Variants in SYN3 observed in about 807,000 individuals in gnomAD.
SYN3 encodes synapsin III.
In SYN3, 35 loss-of-function variants were observed where a neutral mutation model predicts 65.8. The ratio of observed to expected loss-of-function variants is 0.53; its 90% CI spans 0.41 to 0.70. The LOEUF is 0.70. Among genes scored for constraint, SYN3 ranks in the 30% least tolerant of loss-of-function variants. SYN3 has a pLI of 0.00. For synonymous variants in SYN3, 270 were observed against 292.9 expected (o/e 0.92, Z 0.80); for missense variants, 680 against 749.0 (o/e 0.91, Z 1.08).
At chr22:32,742,487 G>A (rs1000594876) in intron 6 of SYN3, among the ~76,000 whole-genome samples, 1 of 152,104 alleles carries the variant, frequency 6.6e-6, no homozygotes, top group Non-Finnish European at 1.5e-5. Context: ...AAGAATGGTT[G>A]GGAGAGGATG....
At chr22:32,935,363 G>A (rs1484684824) in intron 3 of SYN3, among the ~76,000 whole-genome samples, 3 of 149,132 alleles carry the variant, frequency 2.0e-5, no homozygotes, top group Non-Finnish European at 3.0e-5. Flanking sequence ...CGCAAAAAAC[G>A]CTACTATCAG....
At chr22:32,562,964 T>C (rs2058608446) in intron 7 of SYN3, among the ~76,000 whole-genome samples, 1 of 152,212 alleles carries the variant, frequency 6.6e-6, no homozygotes. Flanking sequence ...CTGGGTGACC[T>C]TGGGCAAGTA....
At position 32,709,554 on chromosome 22, in the gene SYN3, C is replaced by T. The variant is rs77187389; in HGVS notation, c.712-112818G>A. On this transcript the variant is annotated intron_variant, in intron 6 of 13. Coordinates refer to ENST00000358763, the MANE Select transcript of SYN3 (RefSeq NM_003490.4). ...GTTTGTTGAACCAGGGTTTTTTTTACGCCCCTTTAAAAGATAGAAAAAATT... is the reference window on the plus strand; with the variant it reads ...GTTTGTTGAACCAGGGTTTTTTTTATGCCCCTTTAAAAGATAGAAAAAATT... Among the ~76,000 whole-genome samples the T allele has an allele frequency of 1.0e-2, 1,518 of 152,098 alleles. 25 individuals carry two copies. The highest frequency in any genetic ancestry group is 0.035 in the African/African-American group (1,440 of 41,498).
chr22:32,679,838 G>GGTTTTTTTTTTTTTGTTTTTTT (rs2060497017), intron 6 of SYN3, among the ~76,000 whole-genome samples: 1 of 6,564 alleles, frequency 1.5e-4, no homozygotes. Context: ...TTGTTTTTTG[G>GGTTTTTTTTTTTTTGTTTTTTT]CTTTTTTTTT....
At chr22:32,621,198 G>T (rs571095845) in intron 6 of SYN3, among the ~76,000 whole-genome samples, 79 of 152,228 alleles carry the variant, frequency 5.2e-4, no homozygotes, top group Non-Finnish European at 1.0e-3. Context: ...TCCCTTTGCT[G>T]GGCCACTTGT....
In SYN3 at chr22:32,556,803, G is replaced by GTTTTTTTTTTTTTTTTTTTT. The variant is rs1491135400; in HGVS notation, c.775-15091_775-15090insAAAAAAAAAAAAAAAAAAAA. On this transcript the variant is annotated intron_variant, in intron 7 of 13. Coordinates refer to ENST00000358763, the MANE Select transcript of SYN3 (RefSeq NM_003490.4). Reference sequence around the variant, plus strand: ...CAATGACCCAATCTATAGGTTTCCTGGTTTTTTTTTTTTTTTTTTTTTTTT... The same window carrying GTTTTTTTTTTTTTTTTTTTT: ...CAATGACCCAATCTATAGGTTTCCTGTTTTTTTTTTTTTTTTTTTTGTTTTTTTTTTTTTTTTTTTTTTTT... 7.1e-4 allele frequency among the ~76,000 whole-genome samples: 25 copies of GTTTTTTTTTTTTTTTTTTTT among 35,256 alleles called. 9 individuals are homozygous for GTTTTTTTTTTTTTTTTTTTT. Among genetic ancestry groups the GTTTTTTTTTTTTTTTTTTTT allele is most frequent in the Non-Finnish European group, 1.2e-3 (21 of 17,874 alleles). The allele number at this position is 35,256 out of a possible 152,430, so 23.1% of individuals were successfully genotyped here.
intron 1 of SYN3, among the ~76,000 whole-genome samples, chr22:33,017,308 T>C (rs1420061080): frequency 6.6e-6 from 1 of 152,242 alleles, no homozygotes; most frequent in African/African-American, 2.4e-5. Flanking sequence ...AGCTTTGTAA[T>C]AGATTTCAAG....
chr22:32,564,107 G>C (rs890913558), intron 7 of SYN3, among the ~76,000 whole-genome samples: 1 of 152,194 alleles, frequency 6.6e-6, no homozygotes, highest in Non-Finnish European at 1.5e-5. Context: ...AAGTGGTGCA[G>C]AGCTGACCTA....
At chr22:32,932,952 A>G (rs2050674278) in intron 3 of SYN3, among the ~76,000 whole-genome samples, 1 of 152,128 alleles carries the variant, frequency 6.6e-6, no homozygotes, top group Middle Eastern at 3.4e-3. Context: ...GTCTTCTTAC[A>G]TTGTCCTCCT....
intron 1 of SYN3, among the ~76,000 whole-genome samples, chr22:33,020,806 TC>T (rs2053547455): frequency 6.6e-6 from 1 of 152,214 alleles, no homozygotes; most frequent in Non-Finnish European, 1.5e-5. Context: ...AAGGTTAAGT[TC>T]ATGGATCCTG....
intron 7 of SYN3, among the ~76,000 whole-genome samples, chr22:32,594,654 AT>A (rs1422658530): frequency 6.6e-6 from 1 of 151,980 alleles, no homozygotes; most frequent in Non-Finnish European, 1.5e-5. Context: ...CGCCTGGCTA[AT>A]TTTTGTATTT....
At chr22:32,865,527 G>A (rs558635308) in intron 5 of SYN3, among the ~76,000 whole-genome samples, 1 of 152,288 alleles carries the variant, frequency 6.6e-6, no homozygotes, top group East Asian at 1.9e-4. Context: ...TGGGATTGTT[G>A]TAAGGATACA....
chr22:32,597,190 T>C (rs2059212522), intron 6 of SYN3, among the ~76,000 whole-genome samples: 1 of 148,846 alleles, frequency 6.7e-6, no homozygotes, highest in African/African-American at 2.5e-5. Flanking sequence ...CATACTCCTG[T>C]CTTACATTAT....
intron 10 of SYN3, among the ~76,000 whole-genome samples, chr22:32,531,715 C>A (rs2058073848): frequency 1.3e-5 from 2 of 149,884 alleles, no homozygotes; most frequent in Admixed American, 6.6e-5. Flanking sequence ...GGGAAAATAC[C>A]TTTTATATTT....
At chr22:32,563,706 G>A (rs2146365099) in intron 7 of SYN3, among the ~76,000 whole-genome samples, 1 of 152,276 alleles carries the variant, frequency 6.6e-6, no homozygotes, top group South Asian at 2.1e-4. Flanking sequence ...GTCTCACTCT[G>A]TTACCCAGGC....
intron 7 of SYN3, among the ~76,000 whole-genome samples, chr22:32,570,883 C>G (rs913358882): frequency 1.3e-5 from 2 of 151,868 alleles, no homozygotes; most frequent in Non-Finnish European, 2.9e-5. Context: ...AGGGGGGACA[C>G]AAATGAACAT....
At chr22:32,898,885 G>A (rs2049675723) in intron 4 of SYN3, among the ~76,000 whole-genome samples, 1 of 152,154 alleles carries the variant, frequency 6.6e-6, no homozygotes, top group Non-Finnish European at 1.5e-5. Context: ...GGTGGATCAC[G>A]AGGTCAGGAG....
chr22:32,916,973 TC>T (rs1051921509), intron 4 of SYN3, among the ~76,000 whole-genome samples: 5 of 152,070 alleles, frequency 3.3e-5, no homozygotes, highest in Non-Finnish European at 7.4e-5. Context: ...TAAGATGGTC[TC>T]CCCCCAACTC....
At chr22:32,625,121 G>A (rs921730516) in intron 6 of SYN3, among the ~76,000 whole-genome samples, 1 of 152,166 alleles carries the variant, frequency 6.6e-6, no homozygotes, top group Admixed American at 6.5e-5. Flanking sequence ...GCTTCAGCAG[G>A]GAGCCCGTCA....
Sources: allele counts gnomAD v4.1 joint callset (sites outside exome capture counted in the v4.1 genomes callset), GRCh38; gene constraint gnomAD v4.1.1; transcripts MANE v1.5; gene names NCBI Gene and HGNC (gene_info 2026-07-23, HGNC 2026-07-21).